Variants in ARHGAP10 observed in about 807,000 individuals in gnomAD.
ARHGAP10 encodes the protein Rho GTPase activating protein 10.
ARHGAP10 carries 87 observed loss-of-function variants against 108.6 expected under a neutral mutation model. The ratio of observed to expected loss-of-function variants is 0.80; its 90% CI spans 0.67 to 0.96. The LOEUF is 0.96. Ranked by LOEUF, ARHGAP10 falls within the 40% of genes least tolerant of loss-of-function variation. ARHGAP10 has a pLI of 0.00. For missense variants in ARHGAP10, 939 were observed against 954.5 expected (o/e 0.98, Z 0.21); for synonymous variants, 347 against 341.1 (o/e 1.02, Z -0.19).
At chr4:147,964,892 T>C (rs969171595) in intron 16 of ARHGAP10, 132 bp from the exon 17 acceptor site, 115 of 584,272 alleles carry the variant, frequency 2.0e-4, no homozygotes, top group South Asian at 9.8e-4. Flanking sequence ...GTTTACATTC[T>C]CCATGTTTGA....
chr4:147,797,487 A>G (rs1046407575), intron 1 of ARHGAP10, among the ~76,000 whole-genome samples: 13 of 152,094 alleles, frequency 8.5e-5, no homozygotes, highest in Non-Finnish European at 1.9e-4. Flanking sequence ...ATTTCTGCTC[A>G]CTGCAGCCTC....
chr4:147,912,599 A>AT (rs1736801764), intron 12 of ARHGAP10, among the ~76,000 whole-genome samples: 2 of 129,802 alleles, frequency 1.5e-5, no homozygotes, highest in African/African-American at 3.0e-5. Context: ...ATATATATAT[A>AT]AAATTCCTGT....
chr4:147,899,361 GTGTC>G (rs201366567), intron 10 of ARHGAP10, among the ~76,000 whole-genome samples: 1,535 of 152,126 alleles, frequency 0.01, 21 homozygotes, highest in African/African-American at 0.034. Context: ...CTGTGTCTGT[GTGTC>G]TTTGTCTTCT....
intron 3 of ARHGAP10, among the ~76,000 whole-genome samples, chr4:147,825,439 TC>T (rs1732669611): frequency 6.7e-6 from 1 of 148,856 alleles, no homozygotes; most frequent in South Asian, 2.1e-4. Context: ...AGAGCGAGAC[TC>T]CATCTCAAAA....
chr4:147,837,235 A>C (rs1318199172), intron 3 of ARHGAP10, among the ~76,000 whole-genome samples: 1 of 152,132 alleles, frequency 6.6e-6, no homozygotes, highest in African/African-American at 2.4e-5. Context: ...AGAGTGATGT[A>C]ATTAATTGAT....
intron 13 of ARHGAP10, among the ~76,000 whole-genome samples, chr4:147,921,784 C>T (rs35371855): frequency 7.9e-5 from 12 of 152,166 alleles, no homozygotes; most frequent in African/African-American, 2.9e-4. Flanking sequence ...CCTGCCGTCT[C>T]TGTGTGACAT....
At chr4:147,785,243 T>C (rs1368647267) in intron 1 of ARHGAP10, among the ~76,000 whole-genome samples, 1 of 152,066 alleles carries the variant, frequency 6.6e-6, no homozygotes, top group Non-Finnish European at 1.5e-5. Flanking sequence ...GTAGTTTTGC[T>C]TTTAGATTTC....
chr4:148,011,754 A>T (rs529761262), intron 18 of ARHGAP10, among the ~76,000 whole-genome samples: 2 of 152,300 alleles, frequency 1.3e-5, no homozygotes, highest in South Asian at 4.1e-4. Flanking sequence ...CCTAATTGTA[A>T]ATATAGCCAT....
At chr4:148,064,018 C>T (rs1457356256) in intron 21 of ARHGAP10, among the ~76,000 whole-genome samples, 5 of 152,172 alleles carry the variant, frequency 3.3e-5, no homozygotes, top group Non-Finnish European at 5.9e-5. Flanking sequence ...GTGGCTGTGC[C>T]GCCTCCTTCT....
chr4:147,888,179 T>G (rs1377506473), intron 10 of ARHGAP10, among the ~76,000 whole-genome samples: 2 of 152,220 alleles, frequency 1.3e-5, no homozygotes, highest in African/African-American at 4.8e-5. Flanking sequence ...AGTTCAGCCC[T>G]TAGATGTTTT....
chr4:147,794,537 A>G (rs1324484749), intron 1 of ARHGAP10, among the ~76,000 whole-genome samples: 1 of 152,196 alleles, frequency 6.6e-6, no homozygotes, highest in African/African-American at 2.4e-5. Context: ...TACACACTCG[A>G]CAAGTGTCAG....
intron 15 of ARHGAP10, among the ~76,000 whole-genome samples, chr4:147,951,866 CTA>C (rs1738615476): frequency 6.6e-6 from 1 of 152,176 alleles, no homozygotes; most frequent in Non-Finnish European, 1.5e-5. Flanking sequence ...ACCTCTGAAA[CTA>C]TCACCATAAT....
chr4:148,005,893 G>T (rs1174774129), intron 18 of ARHGAP10, among the ~76,000 whole-genome samples: 2 of 152,226 alleles, frequency 1.3e-5, no homozygotes, highest in African/African-American at 4.8e-5. Context: ...TTTTACTCAT[G>T]CAAATTACCG....
intron 1 of ARHGAP10, among the ~76,000 whole-genome samples, chr4:147,740,057 T>C (rs1438506834): frequency 6.7e-6 from 1 of 148,254 alleles, no homozygotes; most frequent in African/African-American, 2.5e-5. Context: ...CTTTTTTTTT[T>C]TTTTTTTTTG....
At chr4:147,836,598 T>G (rs1447202238) in intron 3 of ARHGAP10, among the ~76,000 whole-genome samples, 1 of 152,178 alleles carries the variant, frequency 6.6e-6, no homozygotes, top group Non-Finnish European at 1.5e-5. Flanking sequence ...GGAATTAATT[T>G]ATAGCACCTG....
intron 18 of ARHGAP10, 93 bp downstream of exon 18, chr4:147,966,932 T>A: frequency 1.7e-6 from 2 of 1,174,676 alleles, no homozygotes; most frequent in Non-Finnish European, 2.2e-6. Flanking sequence ...TCTCTCTCTC[T>A]GTTTAAAAAA....
intron 1 of ARHGAP10, among the ~76,000 whole-genome samples, chr4:147,782,935 AATT>A (rs913134013): frequency 4.3e-5 from 6 of 140,462 alleles, no homozygotes; most frequent in Non-Finnish European, 6.2e-5. Flanking sequence ...TAATATATAA[AATT>A]ATATATTATA....
chr4:147,905,373 A>G (rs1217994943), intron 10 of ARHGAP10, among the ~76,000 whole-genome samples: 3 of 145,350 alleles, frequency 2.1e-5, no homozygotes, highest in Middle Eastern at 3.2e-3. Flanking sequence ...TAGGTCTAAC[A>G]TTTAAGTCTT....
chr4:147,891,153 A>G (rs2082553582), intron 10 of ARHGAP10, among the ~76,000 whole-genome samples: 1 of 152,234 alleles, frequency 6.6e-6, no homozygotes, highest in African/African-American at 2.4e-5. Context: ...ATGAAAGCAT[A>G]TGTTTACACA....
Sources: gnomAD v4.1 joint callset for allele counts (sites outside exome capture counted in the v4.1 genomes callset) on GRCh38, gnomAD v4.1.1 for gene constraint, MANE v1.5 for transcripts, NCBI Gene and HGNC (gene_info 2026-07-23, HGNC 2026-07-21) for gene names.